The following ASH1L variants were observed in gnomAD, a reference collection of about 807,000 sequenced individuals.
ASH1L encodes ASH1 like histone lysine methyltransferase, also known as histone-lysine N-methyltransferase ASH1L.
ASH1L carries 23 observed loss-of-function variants against 269.0 expected under a neutral mutation model. That is an observed-to-expected ratio of 0.09 (90% CI 0.06 to 0.12). ASH1L has a LOEUF of 0.12. ASH1L is among the 10% of genes least tolerant of loss of function. The pLI, the probability that ASH1L is intolerant of heterozygous loss-of-function variation, is 1.00. For synonymous variants in ASH1L, 1,187 were observed against 1,253.5 expected, an observed-to-expected ratio of 0.95 and a Z score of 1.12; for missense variants, 2,912 against 3,567.8, an observed-to-expected ratio of 0.82 and a Z score of 4.68.
At chr1:155,464,681 T>C (rs1270746305) in intron 3 of ASH1L, among the ~76,000 whole-genome samples, 1 of 152,118 alleles carries the variant, frequency 6.6e-6, no homozygotes, top group Non-Finnish European at 1.5e-5. Flanking sequence ...ATTGGAATAA[T>C]ACAGAGAAAA....
chr1:155,543,860 G>GGAGGTT (rs1176830274), intron 1 of ASH1L, among the ~76,000 whole-genome samples: 1 of 151,962 alleles, frequency 6.6e-6, no homozygotes, highest in African/African-American at 2.4e-5. Flanking sequence ...ATTGAGCCCG[G>GGAGGTT]GAGGTTGAGG....
At chr1:155,422,294 G>A (rs1660753895) in intron 5 of ASH1L, among the ~76,000 whole-genome samples, 3 of 142,174 alleles carry the variant, frequency 2.1e-5, no homozygotes, top group Admixed American at 1.5e-4. Context: ...ACACCACCAC[G>A]CCCAGCTAAT....
chr1:155,424,546 T>C (rs764474019), intron 5 of ASH1L, among the ~76,000 whole-genome samples: 1 of 152,020 alleles, frequency 6.6e-6, no homozygotes, highest in Admixed American at 6.6e-5. Context: ...TACCTGGGAT[T>C]ACGGGCATGC....
In ASH1L at chr1:155,357,634, G is replaced by C. The variant is rs774024798; in HGVS notation, c.6911C>G (p.Ser2304Cys). The change falls in exon 14 of 28, where the codon TCT (serine) becomes TGT (cysteine). Residue 2304 changes from serine (S) to cysteine (C), a missense_variant. Ser to Cys is a moderately radical substitution (Grantham distance 112). This residue lies in a region of ASH1L where 309 missense variants were observed against 435.1 expected (regional missense o/e 0.71). Coordinates refer to ENST00000392403, the MANE Select transcript of ASH1L (RefSeq NM_018489.3). The stretch of plus-strand genomic sequence containing the variant: ...CTTTCTCTTCTCTTTTGACCGTCCA[G>C]ATTTTTTGTGTGTGGCCATGGGCTG... ...NSQPMATHKK[S>C]GRSKEKRKSK... The C allele has an allele frequency of 2.2e-5, 36 of 1,613,960 alleles. No individual in the cohort carries two copies. The highest frequency in any genetic ancestry group is 2.9e-5 in the Non-Finnish European group (34 of 1,180,028).
intron 1 of ASH1L, among the ~76,000 whole-genome samples, chr1:155,548,533 G>A (rs945244679): frequency 1.3e-5 from 2 of 152,092 alleles, no homozygotes; most frequent in African/African-American, 4.8e-5. Context: ...AAACAAAAGA[G>A]AGATAAAAAA....
At chr1:155,540,973 C>T (rs1376994486) in intron 1 of ASH1L, among the ~76,000 whole-genome samples, 2 of 151,266 alleles carry the variant, frequency 1.3e-5, no homozygotes, top group Non-Finnish European at 2.9e-5. Context: ...GTCATTCCCT[C>T]GGGGAGACAT....
At chr1:155,533,717 CAAAA>C (rs569067721) in intron 1 of ASH1L, among the ~76,000 whole-genome samples, 2 of 79,684 alleles carry the variant, frequency 2.5e-5, no homozygotes, top group Admixed American at 1.5e-4. Context: ...GACTCCGTCT[CAAAA>C]AAAAAAAAAA....
intron 2 of ASH1L, among the ~76,000 whole-genome samples, chr1:155,495,627 T>C (rs905581803): frequency 6.6e-6 from 1 of 152,220 alleles, no homozygotes; most frequent in South Asian, 2.1e-4. Flanking sequence ...AGGACATTAC[T>C]GTACACTACT....
intron 6 of ASH1L, among the ~76,000 whole-genome samples, chr1:155,403,060 C>T (rs1212122314): frequency 2.0e-5 from 3 of 151,620 alleles, no homozygotes; most frequent in Non-Finnish European, 4.4e-5. Context: ...TAGCGCACGC[C>T]TGTAATCCCA....
At chr1:155,358,053 G>T (rs1654572968) in intron 13 of ASH1L, among the ~76,000 whole-genome samples, 1 of 152,128 alleles carries the variant, frequency 6.6e-6, no homozygotes, top group African/African-American at 2.4e-5. Context: ...TTACAGGTGT[G>T]AGCCACTGTG....
At position 155,357,623 on chromosome 1, in the gene ASH1L, T is replaced by C; in HGVS notation, c.6922A>G (p.Lys2308Glu). ...TTGTGCTTAGACTTTCTCTTCTCTT[T>C]TGACCGTCCAGATTTTTTGTGTGTG... Reference protein sequence around the residue: ...MATHKKSGRSKEKRKSKHKLK... With the variant: ...MATHKKSGRSEEKRKSKHKLK... Residue 2308 changes from lysine (K) to glutamate (E), a missense_variant, in exon 14 of 28, where the codon AAA becomes GAA. Coordinates refer to ENST00000392403, the MANE Select transcript of ASH1L (RefSeq NM_018489.3). 3.1e-6 allele frequency: 5 copies of C among 1,614,158 alleles called. No individual in the cohort carries two copies. Among genetic ancestry groups the C allele is most frequent in the Non-Finnish European group, 4.2e-6 (5 of 1,180,028 alleles).
intron 6 of ASH1L, among the ~76,000 whole-genome samples, chr1:155,411,910 T>C (rs761111703): frequency 2.6e-5 from 4 of 151,764 alleles, no homozygotes; most frequent in Non-Finnish European, 5.9e-5. Flanking sequence ...ATCACATTTC[T>C]ACATGGCTGT....
chr1:155,365,783 A>G (rs540308133), intron 12 of ASH1L, among the ~76,000 whole-genome samples: 1 of 152,304 alleles, frequency 6.6e-6, no homozygotes, highest in East Asian at 1.9e-4. Flanking sequence ...CTGACCCGTG[A>G]TATCACCTTT....
At chr1:155,544,127 C>T (rs1326977680) in intron 1 of ASH1L, among the ~76,000 whole-genome samples, 1 of 151,972 alleles carries the variant, frequency 6.6e-6, no homozygotes, top group Non-Finnish European at 1.5e-5. Flanking sequence ...TTGTCTCAAA[C>T]TCCTGGCCTC....
chr1:155,451,906 A>C (rs1217918794), intron 4 of ASH1L, among the ~76,000 whole-genome samples: 1 of 151,784 alleles, frequency 6.6e-6, no homozygotes, highest in Admixed American at 6.6e-5. Flanking sequence ...TTTTTAGTAG[A>C]GATGGGGTCT....
intron 4 of ASH1L, among the ~76,000 whole-genome samples, chr1:155,450,255 T>C (rs975484256): frequency 2.0e-5 from 3 of 152,248 alleles, no homozygotes; most frequent in Admixed American, 6.5e-5. Flanking sequence ...TTGGTAATAA[T>C]GTCCTTTAAT....
intron 2 of ASH1L, among the ~76,000 whole-genome samples, chr1:155,519,951 G>A (rs950969106): frequency 2.0e-5 from 3 of 152,030 alleles, no homozygotes; most frequent in East Asian, 1.9e-4. Context: ...GAGCTACCAC[G>A]CCCGGCAAGT....
intron 8 of ASH1L, among the ~76,000 whole-genome samples, chr1:155,378,778 T>C (rs757907704): frequency 2.0e-5 from 3 of 152,214 alleles, no homozygotes; most frequent in African/African-American, 4.8e-5. Flanking sequence ...AAATAGTTTA[T>C]ACAAGTGGAA....
At chr1:155,542,277 C>T (rs1416910698) in intron 1 of ASH1L, among the ~76,000 whole-genome samples, 6 of 152,118 alleles carry the variant, frequency 3.9e-5, no homozygotes, top group South Asian at 4.2e-4. Context: ...GGGCCACGCA[C>T]GGTGGCTTAC....
Sources: gnomAD v4.1 joint callset for allele counts (sites outside exome capture counted in the v4.1 genomes callset) on GRCh38, gnomAD v4.1.1 for gene constraint, gnomAD v4.1.1 regional missense constraint, MANE v1.5 for transcripts, NCBI Gene and HGNC (gene_info 2026-07-23, HGNC 2026-07-21) for gene names.